PCNX1: variants seen among roughly 807,000 people sequenced by gnomAD.
PCNX1 encodes the protein pecanex 1, also known as pecanex-like protein 1.
A neutral mutation model predicts 242.2 loss-of-function variants in PCNX1; 78 were observed. The observed-to-expected ratio is 0.32, with a 90% CI of 0.27 to 0.39. The LOEUF (loss-of-function observed/expected upper bound fraction) is 0.39. PCNX1 is among the 10% of genes least tolerant of loss of function. The pLI, the probability that PCNX1 is intolerant of heterozygous loss-of-function variation, is 1.00. For missense variants in PCNX1, 2,581 were observed against 2,856.5 expected (o/e 0.90, Z 2.20); for synonymous variants, 1,024 against 1,032.9 (o/e 0.99, Z 0.17).
chr14:71,099,814 T>C (rs1358982828), intron 30 of PCNX1, among the ~76,000 whole-genome samples: 1 of 152,258 alleles, frequency 6.6e-6, no homozygotes, highest in African/African-American at 2.4e-5. Flanking sequence ...TTGAACTTTC[T>C]ATCATTAGGT....
rs551810248 is a variant in PCNX1, at chr14:71,058,179, T to C, written c.4852+455T>C. On this transcript the variant is annotated intron_variant, in intron 26 of 35. Transcript: ENST00000304743. ...GAGGTGAAATTCACATAAAATAAAA[T>C]TGATATTTAGAGCAAAGAAATCACA... Among the ~76,000 whole-genome samples the C allele has an allele frequency of 3.3e-5, 5 of 152,296 alleles. No homozygotes were observed. The South Asian group carries it at 1.0e-3, about 32-fold the overall frequency.
chr14:70,962,104 T>C, intron 2 of PCNX1, 122 bp from the exon 3 acceptor site: 1 of 656,524 alleles, frequency 1.5e-6, no homozygotes, highest in Non-Finnish European at 2.7e-6. Flanking sequence ...TGCTATTTGC[T>C]GGATTAAAAA....
intron 8 of PCNX1, among the ~76,000 whole-genome samples, chr14:70,997,069 A>G (rs1231362293): frequency 6.6e-6 from 1 of 152,160 alleles, no homozygotes; most frequent in Non-Finnish European, 1.5e-5. Context: ...TAAATTTGGA[A>G]TGCTTTTGCT....
chr14:71,033,494 G>A lies in PCNX1; in HGVS notation c.3624G>A (p.Val1208=). The A allele has an allele frequency of 6.2e-7, 1 of 1,608,638 alleles. No individual in the cohort carries two copies. Among genetic ancestry groups the A allele is most frequent in the Admixed American group, 1.7e-5 (1 of 59,920 alleles). ...FSIFCGLLVA[V]SYHLSRQSSD... The stretch of plus-strand genomic sequence containing the variant: ...TTTTTTGTGGTTTATTAGTGGCAGT[G>A]TCTTACCATCTCAGCCGACAAAGCA... Residue 1208 remains valine, a synonymous_variant, in exon 17 of 36, where the codon GTG becomes GTA. Coordinates refer to ENST00000304743, the MANE Select transcript of PCNX1 (RefSeq NM_014982.3).
At chr14:70,910,355 A>G (rs2055842130) in intron 1 of PCNX1, among the ~76,000 whole-genome samples, 1 of 150,902 alleles carries the variant, frequency 6.6e-6, no homozygotes, top group South Asian at 2.1e-4. Flanking sequence ...TATTCTCCAC[A>G]CAGACGCCTC....
chr14:70,959,328 A>G (rs1289712402), intron 2 of PCNX1, among the ~76,000 whole-genome samples: 1 of 148,570 alleles, frequency 6.7e-6, no homozygotes, highest in African/African-American at 2.5e-5. Flanking sequence ...AGCTGCACCC[A>G]TTAACTCGTC....
At chr14:71,088,662 T>C (rs950695915) in intron 29 of PCNX1, among the ~76,000 whole-genome samples, 11 of 152,204 alleles carry the variant, frequency 7.2e-5, no homozygotes, top group African/African-American at 2.7e-4. Context: ...GAGAATATAA[T>C]GAATTTAAGA....
chr14:71,048,943 C>A, intron 22 of PCNX1: 1 of 461,720 alleles, frequency 2.2e-6, no homozygotes, highest in Non-Finnish European at 2.8e-6. Context: ...AATATTATAT[C>A]TGTTCAGTCA....
chr14:70,978,274 AAC>A lies in PCNX1; in HGVS notation c.1942_1943del (p.Thr648SerfsTer2). The A allele has an allele frequency of 6.2e-7, 1 of 1,614,152 alleles. No homozygotes were observed. Among genetic ancestry groups the A allele is most frequent in the Non-Finnish European group, 8.5e-7 (1 of 1,180,014 alleles). On this transcript the variant is annotated frameshift_variant, in exon 6 of 36. Transcript: ENST00000304743. LOFTEE classifies it high-confidence loss of function. ...GGCAGATACAGTGCTCTAAAGACCA[AAC>A]ACACTCATAAAGAAAGGGGCACAGA... is the stretch of plus-strand genomic sequence containing the variant.
chr14:71,054,904 G>T (rs1461402548), intron 24 of PCNX1, among the ~76,000 whole-genome samples: 1 of 152,286 alleles, frequency 6.6e-6, no homozygotes, highest in East Asian at 1.9e-4. Context: ...TGGCAGCGAA[G>T]GGTAGAACAG....
chr14:70,998,906 T>C, intron 8 of PCNX1, among the ~76,000 whole-genome samples: 1 of 152,204 alleles, frequency 6.6e-6, no homozygotes, highest in East Asian at 1.9e-4. Context: ...ATGATATTTC[T>C]ATCAGAATTT....
At chr14:70,946,747 G>C in intron 1 of PCNX1, 168 bp from the exon 2 acceptor site, 1 of 580,770 alleles carries the variant, frequency 1.7e-6, no homozygotes, top group Non-Finnish European at 3.0e-6. Flanking sequence ...CATGTAGCTA[G>C]TGTCTTTTGC....
In PCNX1 at chr14:71,012,840, T is replaced by C. The variant is rs907900496; in HGVS notation, c.2779-145T>C. 1.7e-5 allele frequency: 10 copies of C among 585,532 alleles called. No individual in the cohort carries two copies. In the Admixed American group the frequency reaches 2.4e-4, roughly 14 times the overall value. 36.3% of individuals were successfully genotyped at this position (585,532 alleles called of 1,614,324 possible). A position where few individuals can be genotyped will look rare whatever the true frequency, so the allele number is the denominator to read the frequency against. The stretch of plus-strand genomic sequence containing the variant: ...TCTCAAAAAAAAAAAAAAAAAAAAG[T>C]GTATGAGAGAAGAAAATTAAAGGGC... On this transcript the variant is annotated intron_variant, in intron 10 of 35. Transcript: ENST00000304743.
intron 9 of PCNX1, among the ~76,000 whole-genome samples, 200 bp from the exon 10 acceptor site, chr14:71,011,292 C>T (rs570345484): frequency 6.6e-6 from 1 of 152,110 alleles, no homozygotes; most frequent in Admixed American, 6.5e-5. Context: ...GTAACTTGTC[C>T]AAGATCTCAT....
intron 24 of PCNX1, among the ~76,000 whole-genome samples, chr14:71,055,102 A>C (rs574884972): frequency 6.6e-6 from 1 of 152,208 alleles, no homozygotes; most frequent in African/African-American, 2.4e-5. Context: ...TTTGGGAACT[A>C]CTGTTCCAAA....
intron 19 of PCNX1, among the ~76,000 whole-genome samples, chr14:71,040,552 T>C (rs1166562959): frequency 6.6e-6 from 1 of 152,124 alleles, no homozygotes; most frequent in Non-Finnish European, 1.5e-5. Flanking sequence ...ATAATGGGTG[T>C]ATATTTTTAT....
intron 30 of PCNX1, among the ~76,000 whole-genome samples, chr14:71,098,585 T>G (rs1028066777): frequency 1.4e-5 from 2 of 143,512 alleles, no homozygotes; most frequent in African/African-American, 2.6e-5. Flanking sequence ...GTAGATGGGA[T>G]TGCATTATTG....
rs56362741 is a variant in PCNX1, at chr14:70,958,898, CTTTTTTT to C, written c.363-3308_363-3302del. On this transcript the variant is annotated intron_variant, in intron 2 of 35. Coordinates refer to ENST00000304743, the MANE Select transcript of PCNX1 (RefSeq NM_014982.3). ...GGTTCACCTGAAGAATTTGGGGTTGCTTTTTTTTTTTTTTTTTTTTTTTTTTACATAA... is the reference window on the plus strand; with the variant it reads ...GGTTCACCTGAAGAATTTGGGGTTGCTTTTTTTTTTTTTTTTTTTACATAA... Among the ~76,000 whole-genome samples the C allele has an allele frequency of 1.8e-3, 119 of 66,392 alleles. 2 individuals are homozygous for C. The highest frequency in any genetic ancestry group is 6.6e-3 in the African/African-American group (102 of 15,516). 43.6% of individuals were successfully genotyped at this position (66,392 alleles called of 152,430 possible). A position where few individuals can be genotyped will look rare whatever the true frequency, so the allele number is the denominator to read the frequency against.
intron 11 of PCNX1, among the ~76,000 whole-genome samples, chr14:71,018,060 G>C (rs2060004737): frequency 2.6e-5 from 4 of 152,022 alleles, no homozygotes; most frequent in Admixed American, 2.6e-4. Context: ...AGCATTATTA[G>C]TAATATCATT....
Sources: allele counts gnomAD v4.1 joint callset (sites outside exome capture counted in the v4.1 genomes callset), GRCh38; gene constraint gnomAD v4.1.1; transcripts MANE v1.5; gene names NCBI Gene and HGNC (gene_info 2026-07-23, HGNC 2026-07-21).